NSD3: variants seen among roughly 807,000 people sequenced by gnomAD.
The protein encoded by NSD3 is nuclear receptor binding SET domain protein 3.
NSD3 carries 24 observed loss-of-function variants against 160.8 expected under a neutral mutation model. The observed-to-expected ratio is 0.15, with a 90% CI of 0.11 to 0.21. The LOEUF (loss-of-function observed/expected upper bound fraction) is 0.21, where lower values mean the gene tolerates loss of function less well. Ranked by LOEUF, NSD3 falls within the 10% of genes least tolerant of loss-of-function variation. NSD3 has a pLI of 1.00. For synonymous variants in NSD3, 520 were observed against 600.0 expected (o/e 0.87, Z 1.95); for missense variants, 1,157 against 1,735.9 (o/e 0.67, Z 5.93).
Position 38,288,941 on chromosome 8 carries a change from G to C in NSD3, c.3232-185C>G, listed in dbSNP as rs1263189276. ...TCATTTAGTTGACAAAAATATCAAA[G>C]CCTCATGTGAATTTTCACTTATTTA... On this transcript the variant is annotated intron_variant, in intron 18 of 23. Coordinates refer to ENST00000317025, the MANE Select transcript of NSD3 (RefSeq NM_023034.2). This position sits in a 1 kb window ranked among gnomAD's most constrained non-coding sequence, Gnocchi z 4.5. Among the ~76,000 whole-genome samples, 1 of 151,980 alleles carries C rather than the reference G, an allele frequency of 6.6e-6. No homozygotes were observed. Among genetic ancestry groups the C allele is most frequent in the Non-Finnish European group, 1.5e-5 (1 of 68,006 alleles).
chr8:38,284,399 C>T (rs1438450941), intron 19 of NSD3, among the ~76,000 whole-genome samples: 3 of 152,156 alleles, frequency 2.0e-5, no homozygotes, highest in South Asian at 2.1e-4. Flanking sequence ...GGCAAATTTT[C>T]TGTTTTGAGA....
In NSD3 at chr8:38,318,966, T is replaced by A; in HGVS notation, c.1810-26A>T. 6.3e-7 allele frequency: 1 copy of A among 1,588,634 alleles called. No individual in the cohort carries two copies. The highest frequency in any genetic ancestry group is 2.3e-5 in the East Asian group (1 of 44,254). On this transcript the variant is annotated intron_variant, in intron 8 of 23. Transcript: ENST00000317025. The surrounding 1 kb of genome is among the most constrained non-coding windows in gnomAD (Gnocchi z 5.3). ...CTGTTTGGACAGAAAAATACAGCAT[T>A]AACAAAGAATTTTTTTCCCTTTTAA...
Position 38,309,829 on chromosome 8 carries a change from G to A in NSD3, c.2243-4384C>T, listed in dbSNP as rs534629412. ...CGTTTGACTTAAATAATAGAAAGTGGTAGTATAAGAACATATTAGGTATGT... is the reference window on the plus strand; with the variant it reads ...CGTTTGACTTAAATAATAGAAAGTGATAGTATAAGAACATATTAGGTATGT... On this transcript the variant is annotated intron_variant, in intron 12 of 23. Coordinates refer to ENST00000317025, the MANE Select transcript of NSD3 (RefSeq NM_023034.2). Among the ~76,000 whole-genome samples, 4 of 152,240 alleles carry A rather than the reference G, an allele frequency of 2.6e-5. No homozygotes were observed. The East Asian group carries it at 7.7e-4, about 29-fold the overall frequency.
Position 38,347,746 on chromosome 8 carries a change from A to C in NSD3, c.426T>G (p.Thr142=). The C allele has an allele frequency of 1.2e-6, 2 of 1,612,582 alleles. No homozygotes were observed. Among genetic ancestry groups the C allele is most frequent in the African/African-American group, 2.7e-5 (2 of 75,020 alleles). ...QPPPPPSVPQ[T]VIPKKTGSPE... Reference sequence around the variant, plus strand: ...GTGAGCCAGTCTTCTTTGGAATCACAGTTTGTGGTACCGAAGGAGGAGGTG... The same window carrying C: ...GTGAGCCAGTCTTCTTTGGAATCACCGTTTGTGGTACCGAAGGAGGAGGTG... Residue 142 remains threonine, a synonymous_variant, in exon 2 of 24, where the codon ACT becomes ACG. Transcript: ENST00000317025.
At position 38,275,233 on chromosome 8, in the gene NSD3, CCT is replaced by C; in HGVS notation, c.*406_*407del. On this transcript the variant is annotated 3_prime_UTR_variant, in exon 24 of 24. Transcript: ENST00000317025. ...CTATTGAACTACACTTCTTGAAATTCCTAAAAATGAAAATAAATAAAGGAATG... is the reference window on the plus strand; with the variant it reads ...CTATTGAACTACACTTCTTGAAATTCAAAAATGAAAATAAATAAAGGAATG... The C allele has an allele frequency of 3.9e-6, 1 of 259,330 alleles. No homozygotes were observed. The highest frequency in any genetic ancestry group is 7.4e-6 in the Non-Finnish European group (1 of 134,386). 16.1% of individuals were successfully genotyped at this position (259,330 alleles called of 1,614,324 possible). A position where few individuals can be genotyped will look rare whatever the true frequency, so the allele number is the denominator to read the frequency against.
intron 11 of NSD3, 151 bp from the exon 12 acceptor site, chr8:38,314,924 T>C (rs1210951854): frequency 5.5e-6 from 4 of 731,254 alleles, no homozygotes; most frequent in Non-Finnish European, 8.8e-6. Context: ...ATTTCTAATA[T>C]GTATCCAGAA....
Position 38,275,660 on chromosome 8 carries a change from C to T in NSD3, c.4295G>A (p.Gly1432Glu), listed in dbSNP as rs1164656144. The T allele has an allele frequency of 6.2e-7, 1 of 1,614,050 alleles. No individual in the cohort carries two copies. Among genetic ancestry groups the T allele is most frequent in the Non-Finnish European group, 8.5e-7 (1 of 1,179,976 alleles). Residue 1432 changes from glycine to glutamate, a missense_variant, in exon 24 of 24, where the codon GGA (glycine) becomes GAA (glutamate). This residue lies in a region of NSD3 where 222 missense variants were observed against 409.9 expected (regional missense o/e 0.54). Coordinates refer to ENST00000317025, the MANE Select transcript of NSD3 (RefSeq NM_023034.2). ...ACACATTTATTCTTTTACTTCTTCTCCATGATCTTGTGATTCCCATTTACA... is the reference window on the plus strand; with the variant it reads ...ACACATTTATTCTTTTACTTCTTCTTCATGATCTTGTGATTCCCATTTACA... The part of the protein sequence containing the change: ...IKCKWESQDH[G>E]EEVKE
intron 3 of NSD3, among the ~76,000 whole-genome samples, chr8:38,337,992 A>G (rs1810264999): frequency 6.6e-6 from 1 of 152,176 alleles, no homozygotes; most frequent in Non-Finnish European, 1.5e-5. Context: ...CAAATTATTA[A>G]CAAGGCATGT....
intron 14 of NSD3, among the ~76,000 whole-genome samples, chr8:38,300,223 G>A (rs1211529651): frequency 6.6e-6 from 1 of 152,108 alleles, no homozygotes; most frequent in Admixed American, 6.5e-5. Context: ...GGGTAGTGGT[G>A]TGATCATGGC....
chr8:38,281,428 C>T (rs753240907), intron 20 of NSD3, 39 bp downstream of exon 20: 22 of 1,132,150 alleles, frequency 1.9e-5, no homozygotes, highest in Non-Finnish European at 2.7e-5. Flanking sequence ...AAAACAAAAA[C>T]AAATCCCTTT....
At chr8:38,334,711 G>C (rs1378064846) in intron 4 of NSD3, among the ~76,000 whole-genome samples, 1 of 152,046 alleles carries the variant, frequency 6.6e-6, no homozygotes, top group Non-Finnish European at 1.5e-5. Flanking sequence ...AGTGAGCTGA[G>C]ATCGTGCTAC....
At chr8:38,373,167 G>C (rs953990242) in intron 1 of NSD3, among the ~76,000 whole-genome samples, 2 of 152,008 alleles carry the variant, frequency 1.3e-5, no homozygotes, top group Non-Finnish European at 2.9e-5. Flanking sequence ...CAATGAGGTT[G>C]TCTCTGCAGC....
chr8:38,349,456 T>G (rs1810616079), intron 1 of NSD3, among the ~76,000 whole-genome samples: 1 of 151,886 alleles, frequency 6.6e-6, no homozygotes, highest in Non-Finnish European at 1.5e-5. Flanking sequence ...AGTGCTGAGA[T>G]TATAGGCATG....
At chr8:38,375,913 T>G (rs1811376156) in intron 1 of NSD3, among the ~76,000 whole-genome samples, 1 of 152,086 alleles carries the variant, frequency 6.6e-6, no homozygotes, top group Admixed American at 6.6e-5. Context: ...TTTTAATTTC[T>G]GAAGTATCTA....
At chr8:38,350,697 A>T (rs910121806) in intron 1 of NSD3, among the ~76,000 whole-genome samples, 3 of 152,140 alleles carry the variant, frequency 2.0e-5, no homozygotes, top group Admixed American at 2.0e-4. Flanking sequence ...TCCTGGGCAT[A>T]AGTTTTTTAA....
intron 22 of NSD3, among the ~76,000 whole-genome samples, chr8:38,276,918 G>T (rs1808613896): frequency 6.6e-6 from 1 of 151,982 alleles, no homozygotes. Flanking sequence ...AAACTTCTGG[G>T]CTCAAGTGAT....
chr8:38,272,986 T>C lies in NSD3; in HGVS notation c.*2655A>G, dbSNP rs967979014. 4 of 152,338 alleles carry C rather than the reference T, an allele frequency of 2.6e-5. No homozygotes were observed. Among genetic ancestry groups the C allele is most frequent in the East Asian group, 3.9e-4 (2 of 5,186 alleles). The allele number at this position is 152,338 out of a possible 1,614,324, so 9.4% of individuals were successfully genotyped here. ...GGCACCAGCATGACTAAAACCGCTT[T>C]TTAGACCATTAAAGAACATTCATGG... is the stretch of plus-strand genomic sequence containing the variant. On this transcript the variant is annotated 3_prime_UTR_variant, in exon 24 of 24. Transcript: ENST00000317025.
At chr8:38,305,484 A>C in intron 12 of NSD3, 39 bp from the exon 13 acceptor site, 1 of 1,601,886 alleles carries the variant, frequency 6.2e-7, no homozygotes, top group Non-Finnish European at 8.5e-7. Context: ...AATAAAATTG[A>C]CTAAAGCATA....
At chr8:38,287,741 C>A (rs914508697) in intron 19 of NSD3, among the ~76,000 whole-genome samples, 2 of 151,952 alleles carry the variant, frequency 1.3e-5, no homozygotes, top group African/African-American at 4.8e-5. Flanking sequence ...CAACCTCCAC[C>A]TCCAGGGTTC....
Sources: allele counts gnomAD v4.1 joint callset (sites outside exome capture counted in the v4.1 genomes callset), GRCh38; gene constraint gnomAD v4.1.1; regional missense constraint gnomAD v4.1.1; non-coding constraint Gnocchi (gnomAD v3.1); transcripts MANE v1.5; gene names NCBI Gene and HGNC (gene_info 2026-07-23, HGNC 2026-07-21).